Variants in STK10 observed in about 807,000 individuals in gnomAD.
STK10 encodes serine/threonine kinase 10.
STK10 carries 78 observed loss-of-function variants against 113.8 expected under a neutral mutation model. The observed-to-expected ratio is 0.69, with a 90% CI of 0.57 to 0.83. STK10 has a LOEUF of 0.83. STK10 is among the 40% of genes least tolerant of loss of function. The pLI is 0.00. For synonymous variants in STK10, 465 were observed against 494.7 expected (o/e 0.94, Z 0.80); for missense variants, 1,109 against 1,280.1 (o/e 0.87, Z 2.04).
At position 172,083,843 on chromosome 5, in the gene STK10, G is replaced by A. The variant is rs548773840; in HGVS notation, c.1686-759C>T. Among the ~76,000 whole-genome samples, 628 of 151,332 alleles carry A rather than the reference G, an allele frequency of 4.1e-3. 5 individuals are homozygous for A. The highest frequency in any genetic ancestry group is 0.015 in the African/African-American group (603 of 41,128). ...GAATCGCTTGAACCTGGGAGGTGGA[G>A]GTTCCAGTGGGCCGAGATGACGCCA... On this transcript the variant is annotated intron_variant, in intron 10 of 18. Coordinates refer to ENST00000176763, the MANE Select transcript of STK10 (RefSeq NM_005990.4).
chr5:172,159,146 G>A (rs982168327), intron 1 of STK10, among the ~76,000 whole-genome samples: 1 of 152,196 alleles, frequency 6.6e-6, no homozygotes, highest in Admixed American at 6.5e-5. Flanking sequence ...GGAAATGGGA[G>A]GTGAGGACCC....
At position 172,188,031 on chromosome 5, in the gene STK10, G is replaced by A. The variant is rs1330307471; in HGVS notation, c.12C>T (p.Ala4=). ...ACAGGCGCAGGATGCGGCGGAAATT[G>A]GCAAAAGCCATGGCCGGGGGCGCGG... MAF[A]NFRRILRLST... Residue 4 remains alanine, a synonymous_variant, in exon 1 of 19, where the codon GCC becomes GCT. Transcript: ENST00000176763. This position sits in a 1 kb window ranked among gnomAD's most constrained non-coding sequence, Gnocchi z 5.6. 1 of 1,612,544 alleles carries A rather than the reference G, an allele frequency of 6.2e-7. No individual in the cohort carries two copies. The highest frequency in any genetic ancestry group is 1.3e-5 in the African/African-American group (1 of 74,904).
intron 13 of STK10, among the ~76,000 whole-genome samples, chr5:172,063,781 G>A (rs981279555): frequency 6.6e-6 from 1 of 152,310 alleles, no homozygotes; most frequent in Non-Finnish European, 1.5e-5. Context: ...TTCTGCGAAT[G>A]GGAAAATGAA....
Position 172,147,173 on chromosome 5 carries a change from G to A in STK10, c.321+9451C>T, listed in dbSNP as rs536012211. 5.3e-5 allele frequency among the ~76,000 whole-genome samples: 8 copies of A among 152,276 alleles called. No homozygotes were observed. In the East Asian group the frequency reaches 7.7e-4, roughly 15 times the overall value. ...ATGAAGGGATGTGTATGGTGAGGCT[G>A]GGGGAAGGGGCAAGGGGCTTCCATG... On this transcript the variant is annotated intron_variant, in intron 2 of 18. Coordinates refer to ENST00000176763, the MANE Select transcript of STK10 (RefSeq NM_005990.4).
At chr5:172,147,415 A>G (rs1430974455) in intron 2 of STK10, among the ~76,000 whole-genome samples, 1 of 151,090 alleles carries the variant, frequency 6.6e-6, no homozygotes, top group Non-Finnish European at 1.5e-5. Context: ...TTTTTGAGAC[A>G]GAGTCTTGCT....
At chr5:172,147,389 T>C (rs1335820110) in intron 2 of STK10, among the ~76,000 whole-genome samples, 1 of 151,558 alleles carries the variant, frequency 6.6e-6, no homozygotes, top group Non-Finnish European at 1.5e-5. Context: ...CAGACTTTTC[T>C]TTCTTTCTTT....
Position 172,044,441 on chromosome 5 carries a change from G to A in STK10, c.*441C>T, listed in dbSNP as rs1767454281. The A allele has an allele frequency of 5.4e-6, 1 of 183,862 alleles. No homozygotes were observed. The highest frequency in any genetic ancestry group is 1.2e-5 in the Non-Finnish European group (1 of 86,118). 11.4% of individuals were successfully genotyped at this position (183,862 alleles called of 1,614,324 possible). A position where few individuals can be genotyped will look rare whatever the true frequency, so the allele number is the denominator to read the frequency against. Reference sequence around the variant, plus strand: ...AGGGACTTGATGATTGAGTGACTCTGCAGGGAATGGCTGAAAAACCAAGAA... The same window carrying A: ...AGGGACTTGATGATTGAGTGACTCTACAGGGAATGGCTGAAAAACCAAGAA... On this transcript the variant is annotated 3_prime_UTR_variant, in exon 19 of 19. Transcript: ENST00000176763. This position sits in a 1 kb window ranked among gnomAD's most constrained non-coding sequence, Gnocchi z 4.5.
chr5:172,188,021 G>A lies in STK10; in HGVS notation c.22C>T (p.Arg8Cys). Residue 8 changes from arginine (R) to cysteine (C), a missense_variant, in exon 1 of 19, where the codon CGC becomes TGC. Arg to Cys is a radical substitution (Grantham distance 180). Around this residue, in one of 5 missense-constraint regions of STK10, gnomAD observed 57 missense variants for 53.6 expected, o/e 1.06. Transcript: ENST00000176763. This position sits in a 1 kb window ranked among gnomAD's most constrained non-coding sequence, Gnocchi z 5.6. MAFANFRRILRLSTFEKR... is the reference protein window; with the variant it reads MAFANFRCILRLSTFEKR... ...TCGAAGGTAGACAGGCGCAGGATGC[G>A]GCGGAAATTGGCAAAAGCCATGGCC... 1.2e-6 allele frequency: 2 copies of A among 1,612,916 alleles called. No individual in the cohort carries two copies. The highest frequency in any genetic ancestry group is 1.3e-5 in the African/African-American group (1 of 75,040).
intron 1 of STK10, among the ~76,000 whole-genome samples, chr5:172,165,244 G>A (rs1035691468): frequency 6.6e-6 from 1 of 152,098 alleles, no homozygotes; most frequent in African/African-American, 2.4e-5. Context: ...CAGACCTCAG[G>A]ACAGTGAGAA....
chr5:172,118,889 A>T (rs1367428395), intron 3 of STK10, among the ~76,000 whole-genome samples: 38 of 151,344 alleles, frequency 2.5e-4, no homozygotes, highest in Admixed American at 8.6e-4. Context: ...AAAAAAAAAA[A>T]AAAAAAAAGT....
intron 12 of STK10, among the ~76,000 whole-genome samples, chr5:172,067,602 C>G (rs1448957462): frequency 1.3e-5 from 2 of 151,684 alleles, no homozygotes; most frequent in Admixed American, 1.3e-4. Context: ...TTTAATATTT[C>G]AAGTATGGAA....
rs1007205465 is a variant in STK10 at position 172,082,394 on chromosome 5, G to A, written c.1921C>T (p.Arg641Trp). 7.5e-6 allele frequency: 12 copies of A among 1,608,176 alleles called. No individual in the cohort carries two copies. Among genetic ancestry groups the A allele is most frequent in the African/African-American group, 4.0e-5 (3 of 74,484 alleles). The change falls in exon 12 of 19, where the codon CGG becomes TGG. Residue 641 changes from arginine (R) to tryptophan (W), a missense_variant. By Grantham distance (101) the Arg-to-Trp change is moderately radical. Around this residue, in one of 5 missense-constraint regions of STK10, gnomAD observed 885 missense variants for 991.1 expected, o/e 0.89. Coordinates refer to ENST00000176763, the MANE Select transcript of STK10 (RefSeq NM_005990.4). The surrounding 1 kb of genome is among the most constrained non-coding windows in gnomAD (Gnocchi z 4.3). ...HAVRRREEAR[R>W]IRLEQDRDYT... ...TCCCGATCCTGCTCCAGGCGGATCC[G>A]CCTGGCCTCCTCCCGGCGGCGCACG...
At chr5:172,068,029 G>C (rs974207892) in intron 12 of STK10, among the ~76,000 whole-genome samples, 7 of 152,186 alleles carry the variant, frequency 4.6e-5, no homozygotes, top group Admixed American at 2.6e-4. Flanking sequence ...AAAAGCCACC[G>C]GAGTATCATC....
At chr5:172,128,309 T>G (rs1273010842) in intron 2 of STK10, among the ~76,000 whole-genome samples, 1 of 150,892 alleles carries the variant, frequency 6.6e-6, no homozygotes, top group East Asian at 1.9e-4. Flanking sequence ...CCGGGCTCTT[T>G]GCATAGATGC....
chr5:172,143,146 T>C (rs1770012500), intron 2 of STK10, among the ~76,000 whole-genome samples: 2 of 152,190 alleles, frequency 1.3e-5, no homozygotes, highest in South Asian at 4.1e-4. Flanking sequence ...GCGCAGTGGT[T>C]CACGAGTTCA....
At chr5:172,152,131 C>T (rs1435721254) in intron 2 of STK10, among the ~76,000 whole-genome samples, 1 of 152,244 alleles carries the variant, frequency 6.6e-6, no homozygotes, top group Non-Finnish European at 1.5e-5. Flanking sequence ...CTTCCACTCA[C>T]TTGTCACTTG....
chr5:172,112,994 T>C (rs908418814), intron 4 of STK10, among the ~76,000 whole-genome samples: 6 of 151,232 alleles, frequency 4.0e-5, no homozygotes, highest in Non-Finnish European at 7.4e-5. Context: ...GTGATCCACC[T>C]GCCTCGGCCT....
At chr5:172,077,261 A>G (rs1424074300) in intron 12 of STK10, among the ~76,000 whole-genome samples, 1 of 152,230 alleles carries the variant, frequency 6.6e-6, no homozygotes, top group Non-Finnish European at 1.5e-5. Flanking sequence ...TTCTTTAGGG[A>G]TCCTTCGAGG....
chr5:172,137,533 A>G (rs1045668197), intron 2 of STK10, among the ~76,000 whole-genome samples: 1 of 152,080 alleles, frequency 6.6e-6, no homozygotes, highest in African/African-American at 2.4e-5. Flanking sequence ...GAAATACTCA[A>G]CAAACAAAAT....
Sources: allele counts gnomAD v4.1 joint callset (sites outside exome capture counted in the v4.1 genomes callset), GRCh38; gene constraint gnomAD v4.1.1; regional missense constraint gnomAD v4.1.1; non-coding constraint Gnocchi (gnomAD v3.1); transcripts MANE v1.5; gene names NCBI Gene and HGNC (gene_info 2026-07-23, HGNC 2026-07-21).